The following IFRD1 variants were observed in gnomAD, a reference collection of about 807,000 sequenced individuals.
IFRD1 encodes interferon-related developmental regulator 1.
In IFRD1, 35 loss-of-function variants were observed where a neutral mutation model predicts 52.9. The ratio of observed to expected loss-of-function variants is 0.66; its 90% CI spans 0.51 to 0.88. The LOEUF (loss-of-function observed/expected upper bound fraction) is 0.88. IFRD1 is among the 40% of genes least tolerant of loss of function. The pLI is 0.00. For synonymous variants in IFRD1, 184 were observed against 188.4 expected (o/e 0.98, Z 0.19); for missense variants, 517 against 550.8 (o/e 0.94, Z 0.61).
intron 5 of IFRD1, 135 bp from the exon 6 acceptor site, chr7:112,461,729 CTT>C (rs151179578): frequency 0.012 from 6,005 of 498,674 alleles, 240 homozygotes; most frequent in African/African-American, 0.093. Context: ...CTCCTCACCT[CTT>C]TTATGTATAA....
At chr7:112,423,439 A>G (rs1398070777) in intron 1 of IFRD1, 5 of 152,198 alleles carry the variant, frequency 3.3e-5, no homozygotes, top group Admixed American at 3.3e-4. Context: ...CAAGGTAGGT[A>G]TTATCTCCAT....
In IFRD1 at chr7:112,457,043, T is replaced by C; in HGVS notation, c.409+5T>C. The C allele has an allele frequency of 1.9e-6, 3 of 1,613,602 alleles. No homozygotes were observed. Among genetic ancestry groups the C allele is most frequent in the Non-Finnish European group, 2.5e-6 (3 of 1,179,764 alleles). On this transcript the variant is annotated splice_donor_5th_base_variant and intron_variant, in intron 4 of 11. Coordinates refer to ENST00000403825, the MANE Select transcript of IFRD1 (RefSeq NM_001550.4). ...TTGAACGCTGCCTGAAAAAAGGTAA[T>C]GCCCTTATTTTTGAGTCACAGACGT...
intron 1 of IFRD1, among the ~76,000 whole-genome samples, chr7:112,437,614 A>G (rs1276552713): frequency 1.3e-5 from 2 of 151,766 alleles, no homozygotes; most frequent in African/African-American, 4.8e-5. Flanking sequence ...GACTTCAGAA[A>G]ATGTACCTTT....
intron 5 of IFRD1, among the ~76,000 whole-genome samples, chr7:112,459,678 A>C (rs1795383273): frequency 6.6e-6 from 1 of 152,122 alleles, no homozygotes; most frequent in Non-Finnish European, 1.5e-5. Context: ...GCTTGGTAAA[A>C]ATTTATTTCT....
At position 112,424,245 on chromosome 7, in the gene IFRD1, A is replaced by G. The variant is rs149128827; in HGVS notation, c.-182+813A>G. ...TGTAAAGTGGCCATCGTCTGGGGAT[A>G]CTCTCCAGGTGGCAGAGAGTTCTGT... is the stretch of plus-strand genomic sequence containing the variant. On this transcript the variant is annotated intron_variant, in intron 1 of 12. Coordinates refer to the IFRD1 transcript ENST00000005558. Among the ~76,000 whole-genome samples the G allele has an allele frequency of 2.6e-5, 4 of 151,752 alleles. No homozygotes were observed. In the East Asian group the frequency reaches 5.8e-4, roughly 22 times the overall value.
At chr7:112,444,835 A>G (rs1794979896) in intron 1 of IFRD1, among the ~76,000 whole-genome samples, 1 of 152,136 alleles carries the variant, frequency 6.6e-6, no homozygotes, top group South Asian at 2.1e-4. Context: ...TTGAAAAACT[A>G]CTGGGTGCTA....
intron 1 of IFRD1, among the ~76,000 whole-genome samples, chr7:112,444,208 T>C (rs1021878382): frequency 6.6e-6 from 1 of 152,230 alleles, no homozygotes; most frequent in Non-Finnish European, 1.5e-5. Context: ...TGCAGCTTTG[T>C]GAGATAAGCA....
chr7:112,471,177 G>A (rs1795735836), intron 9 of IFRD1, among the ~76,000 whole-genome samples: 1 of 152,178 alleles, frequency 6.6e-6, no homozygotes, highest in Non-Finnish European at 1.5e-5. Context: ...TTACGCACCA[G>A]ACGGTCACTG....
chr7:112,431,812 T>A (rs1794553501), intron 1 of IFRD1, among the ~76,000 whole-genome samples: 1 of 152,192 alleles, frequency 6.6e-6, no homozygotes. Flanking sequence ...TTTTGGAAAC[T>A]CCTTTATATG....
rs1333410244 is a variant in IFRD1 at position 112,457,051 on chromosome 7, T to A, written c.409+13T>A. The A allele has an allele frequency of 2.5e-6, 4 of 1,612,796 alleles. No individual in the cohort carries two copies. The highest frequency in any genetic ancestry group is 2.5e-6 in the Non-Finnish European group (3 of 1,179,170). On this transcript the variant is annotated intron_variant, in intron 4 of 11. Transcript: ENST00000403825. ...TGCCTGAAAAAAGGTAATGCCCTTA[T>A]TTTTGAGTCACAGACGTACAACTAA... is the stretch of plus-strand genomic sequence containing the variant.
At chr7:112,471,204 A>G (rs1249050707) in intron 9 of IFRD1, among the ~76,000 whole-genome samples, 1 of 152,174 alleles carries the variant, frequency 6.6e-6, no homozygotes, top group Non-Finnish European at 1.5e-5. Flanking sequence ...CCTCACATGC[A>G]TGTCCTCTTT....
In IFRD1 at chr7:112,455,755, C is replaced by T. The variant is rs1332227266; in HGVS notation, c.95-8C>T. 3 of 1,577,880 alleles carry T rather than the reference C, an allele frequency of 1.9e-6. No individual in the cohort carries two copies. The highest frequency in any genetic ancestry group is 2.6e-6 in the Non-Finnish European group (3 of 1,147,226). On this transcript the variant is annotated splice_region_variant and splice_polypyrimidine_tract_variant and intron_variant, in intron 1 of 11. Coordinates refer to ENST00000403825, the MANE Select transcript of IFRD1 (RefSeq NM_001550.4). Reference sequence around the variant, plus strand: ...AATAATTTACCTCTTTCCTCTTTTACCTAATAGGTGGCCAGCATCGAAATG... The same window carrying T: ...AATAATTTACCTCTTTCCTCTTTTATCTAATAGGTGGCCAGCATCGAAATG...
chr7:112,431,501 G>T (rs1360706694), intron 1 of IFRD1, among the ~76,000 whole-genome samples: 1 of 152,064 alleles, frequency 6.6e-6, no homozygotes, highest in Non-Finnish European at 1.5e-5. Context: ...ATGAGGTGTG[G>T]TATGATCATT....
intron 9 of IFRD1, among the ~76,000 whole-genome samples, chr7:112,469,589 T>G (rs536689698): frequency 6.6e-6 from 1 of 152,268 alleles, no homozygotes; most frequent in East Asian, 1.9e-4. Flanking sequence ...TCCAAAGATA[T>G]GATGACATGT....
At chr7:112,474,185 G>T (rs942375736) in intron 11 of IFRD1, among the ~76,000 whole-genome samples, 3 of 152,118 alleles carry the variant, frequency 2.0e-5, no homozygotes, top group Non-Finnish European at 1.5e-5. Context: ...TCTTTTGGCC[G>T]TTGTGAATAG....
intron 11 of IFRD1, among the ~76,000 whole-genome samples, chr7:112,475,106 G>A (rs1795865078): frequency 6.6e-6 from 1 of 151,722 alleles, no homozygotes; most frequent in African/African-American, 2.4e-5. Flanking sequence ...CTACAGGCAT[G>A]TGCCACCATG....
chr7:112,440,936 G>T (rs1013787650), intron 1 of IFRD1, among the ~76,000 whole-genome samples: 4 of 152,132 alleles, frequency 2.6e-5, no homozygotes, highest in African/African-American at 7.2e-5. Flanking sequence ...AGGAGTTCCA[G>T]ACCAGCCTTG....
chr7:112,455,386 G>A (rs1795264761), intron 1 of IFRD1, among the ~76,000 whole-genome samples: 1 of 152,050 alleles, frequency 6.6e-6, no homozygotes, highest in African/African-American at 2.4e-5. Context: ...TCAGGAGGCC[G>A]AGGCAGGAGA....
intron 1 of IFRD1, among the ~76,000 whole-genome samples, chr7:112,430,553 C>T (rs1794524876): frequency 6.6e-6 from 1 of 152,136 alleles, no homozygotes; most frequent in Admixed American, 6.5e-5. Flanking sequence ...TCCTTTTCAT[C>T]ACAAATGACA....
Sources: allele counts gnomAD v4.1 joint callset (sites outside exome capture counted in the v4.1 genomes callset), GRCh38; gene constraint gnomAD v4.1.1; transcripts MANE v1.5; gene names NCBI Gene and HGNC (gene_info 2026-07-23, HGNC 2026-07-21).